Variants in CADM2 observed in about 807,000 individuals in gnomAD.
CADM2 encodes cell adhesion molecule 2.
A neutral mutation model predicts 49.8 loss-of-function variants in CADM2; 12 were observed. That is an observed-to-expected ratio of 0.24 (90% CI 0.15 to 0.39). The LOEUF (loss-of-function observed/expected upper bound fraction) is 0.39. Among genes scored for constraint, CADM2 ranks in the 10% least tolerant of loss-of-function variants. The pLI is 1.00. For synonymous variants in CADM2, 214 were observed against 175.4 expected (o/e 1.22, Z -1.74); for missense variants, 378 against 492.3 (o/e 0.77, Z 2.20).
At chr3:85,408,106 A>G (rs1365189879) in intron 1 of CADM2, among the ~76,000 whole-genome samples, 1 of 151,982 alleles carries the variant, frequency 6.6e-6, no homozygotes, top group East Asian at 1.9e-4. Flanking sequence ...GAAGTGTGAA[A>G]CTGAAATATT....
At chr3:85,942,845 T>C (rs546968117) in intron 7 of CADM2, among the ~76,000 whole-genome samples, 22 of 152,218 alleles carry the variant, frequency 1.4e-4, no homozygotes, top group African/African-American at 5.1e-4. Context: ...TTTGGGTATA[T>C]ACCCAGTAAT....
chr3:86,006,660 T>C (rs912947427), intron 8 of CADM2, among the ~76,000 whole-genome samples: 3 of 152,166 alleles, frequency 2.0e-5, no homozygotes, highest in African/African-American at 7.2e-5. Context: ...TTTGACCTCC[T>C]TAGAGACATG....
At chr3:85,550,075 C>T (rs1195304677) in intron 1 of CADM2, among the ~76,000 whole-genome samples, 2 of 152,112 alleles carry the variant, frequency 1.3e-5, no homozygotes, top group Non-Finnish European at 2.9e-5. Flanking sequence ...AACACTGTAA[C>T]AGCCTTTTAC....
chr3:85,993,333 C>A (rs1729014082), intron 8 of CADM2: 1 of 152,188 alleles, frequency 6.6e-6, no homozygotes, highest in Non-Finnish European at 1.5e-5. Context: ...TACAGTGATT[C>A]ACTCACATCT....
At chr3:85,804,984 C>T (rs934558943) in intron 3 of CADM2, among the ~76,000 whole-genome samples, 15 of 152,110 alleles carry the variant, frequency 9.9e-5, no homozygotes, top group African/African-American at 3.6e-4. Flanking sequence ...CATTTTGTTG[C>T]TCAGGGAGTT....
intron 1 of CADM2, among the ~76,000 whole-genome samples, chr3:85,547,277 G>A (rs985479747): frequency 3.3e-5 from 5 of 152,050 alleles, no homozygotes; most frequent in Non-Finnish European, 7.4e-5. Context: ...GGAAATTTGG[G>A]CATGGCGATT....
chr3:85,176,296 C>T (rs2040785526), intron 1 of CADM2, among the ~76,000 whole-genome samples: 1 of 152,098 alleles, frequency 6.6e-6, no homozygotes, highest in South Asian at 2.1e-4. Context: ...TAAATATTAT[C>T]TATAGATTTA....
chr3:85,327,661 G>T (rs1474642402), intron 1 of CADM2, among the ~76,000 whole-genome samples: 1 of 150,200 alleles, frequency 6.7e-6, no homozygotes, highest in Non-Finnish European at 1.5e-5. Flanking sequence ...TACCCTATAG[G>T]CTAAATTTAA....
chr3:84,962,066 G>A (rs1575925823), intron 1 of CADM2, among the ~76,000 whole-genome samples: 1 of 151,934 alleles, frequency 6.6e-6, no homozygotes, highest in African/African-American at 2.4e-5. Context: ...GGGGAGCGGG[G>A]GGTGCGGGGA....
intron 1 of CADM2, among the ~76,000 whole-genome samples, chr3:85,724,799 ATATTACCT>A (rs2067629318): frequency 6.6e-6 from 1 of 151,910 alleles, no homozygotes; most frequent in African/African-American, 2.4e-5. Context: ...TTACTTTGCT[ATATTACCT>A]GTAATTTTTG....
chr3:85,285,100 T>C (rs1466962868), intron 1 of CADM2, among the ~76,000 whole-genome samples: 1 of 152,142 alleles, frequency 6.6e-6, no homozygotes. Context: ...GATTTGTGGT[T>C]ATTAAAGAAG....
intron 1 of CADM2, among the ~76,000 whole-genome samples, chr3:85,621,158 T>C (rs771561477): frequency 2.6e-4 from 40 of 152,150 alleles, no homozygotes; most frequent in Non-Finnish European, 4.3e-4. Context: ...ATTTTCTAGT[T>C]ACACTGTAAT....
chr3:85,612,581 A>G (rs1208046738), intron 1 of CADM2, among the ~76,000 whole-genome samples: 1 of 151,858 alleles, frequency 6.6e-6, no homozygotes, highest in Non-Finnish European at 1.5e-5. Context: ...ATATTAGTTA[A>G]GTATGTTAGG....
intron 1 of CADM2, among the ~76,000 whole-genome samples, chr3:85,346,736 AT>A (rs1179820383): frequency 6.6e-6 from 1 of 152,168 alleles, no homozygotes; most frequent in Non-Finnish European, 1.5e-5. Context: ...ACGAAATGTA[AT>A]TTGTTTTTCT....
chr3:85,626,019 T>C (rs1457337971), intron 1 of CADM2, among the ~76,000 whole-genome samples: 3 of 152,014 alleles, frequency 2.0e-5, no homozygotes, highest in Non-Finnish European at 4.4e-5. Context: ...AAGTTGATAA[T>C]TTTAAGTGTA....
chr3:85,655,306 A>G, intron 1 of CADM2, among the ~76,000 whole-genome samples: 1 of 152,006 alleles, frequency 6.6e-6, no homozygotes, highest in East Asian at 1.9e-4. Context: ...GACTCCAGGC[A>G]TCCGCCACCA....
At chr3:85,269,662 A>G (rs2043193514) in intron 1 of CADM2, among the ~76,000 whole-genome samples, 1 of 151,360 alleles carries the variant, frequency 6.6e-6, no homozygotes, top group African/African-American at 2.4e-5. Context: ...CTACTCCAGG[A>G]CTTGTCTCTC....
chr3:85,363,160 G>A (rs894664177), intron 1 of CADM2, among the ~76,000 whole-genome samples: 1 of 152,024 alleles, frequency 6.6e-6, no homozygotes, highest in African/African-American at 2.4e-5. Flanking sequence ...GAAAATAATG[G>A]GTTTCTGTGA....
At chr3:86,059,478 C>T (rs551555624) in intron 8 of CADM2, among the ~76,000 whole-genome samples, 1 of 152,260 alleles carries the variant, frequency 6.6e-6, no homozygotes, top group East Asian at 1.9e-4. Context: ...TTTACAATAT[C>T]TTTTGTGTTT....
Sources: gnomAD v4.1 joint callset for allele counts (sites outside exome capture counted in the v4.1 genomes callset) on GRCh38, gnomAD v4.1.1 for gene constraint, MANE v1.5 for transcripts, NCBI Gene and HGNC (gene_info 2026-07-23, HGNC 2026-07-21) for gene names.